Variants in STXBP5L observed in about 807,000 individuals in gnomAD.
The protein encoded by STXBP5L is syntaxin-binding protein 5-like.
A neutral mutation model predicts 144.5 loss-of-function variants in STXBP5L; 65 were observed. That is an observed-to-expected ratio of 0.45 (90% CI 0.37 to 0.55). The LOEUF (loss-of-function observed/expected upper bound fraction) is 0.55, where lower values mean the gene tolerates loss of function less well. Ranked by LOEUF, STXBP5L falls within the 20% of genes least tolerant of loss-of-function variation. STXBP5L has a pLI of 0.00. For synonymous variants in STXBP5L, 505 were observed against 469.6 expected (o/e 1.08, Z -0.97); for missense variants, 1,298 against 1,405.5 (o/e 0.92, Z 1.22).
intron 3 of STXBP5L, among the ~76,000 whole-genome samples, chr3:120,988,733 G>T (rs2107938595): frequency 6.6e-6 from 1 of 152,108 alleles, no homozygotes; most frequent in South Asian, 2.1e-4. Flanking sequence ...ATTATGTAGT[G>T]GTTTGCCTAG....
intron 3 of STXBP5L, among the ~76,000 whole-genome samples, chr3:121,021,965 CAAATT>C (rs980048843): frequency 2.6e-5 from 4 of 151,754 alleles, no homozygotes; most frequent in African/African-American, 4.8e-5. Context: ...ATACAAAAGA[CAAATT>C]AAACAAAAAC....
At chr3:121,111,971 A>ATG (rs775470646) in intron 5 of STXBP5L, among the ~76,000 whole-genome samples, 2 of 152,136 alleles carry the variant, frequency 1.3e-5, no homozygotes, top group Non-Finnish European at 2.9e-5. Flanking sequence ...GTGAGGAGGA[A>ATG]TGGGTCAGGG....
chr3:120,957,745 A>G (rs1938209946), intron 3 of STXBP5L, among the ~76,000 whole-genome samples: 1 of 152,164 alleles, frequency 6.6e-6, no homozygotes. Flanking sequence ...GATCTCTGGG[A>G]CACATTTAAA....
At position 121,069,248 on chromosome 3, in the gene STXBP5L, T is replaced by C. The variant is rs1047962294; in HGVS notation, c.470+23713T>C. Among the ~76,000 whole-genome samples the C allele has an allele frequency of 1.9e-4, 29 of 152,338 alleles. No homozygotes were observed. The East Asian group carries it at 4.8e-3, about 25-fold the overall frequency. Reference sequence around the variant, plus strand: ...CAAGAATGTTAAATAAGTGGAATCATACAATGTGTAACTTTTTGGGATTGT... The same window carrying C: ...CAAGAATGTTAAATAAGTGGAATCACACAATGTGTAACTTTTTGGGATTGT... On this transcript the variant is annotated intron_variant, in intron 5 of 26. Coordinates refer to ENST00000471454, the MANE Select transcript of STXBP5L (RefSeq NM_001308330.2).
At chr3:121,067,912 T>A (rs1299217453) in intron 5 of STXBP5L, among the ~76,000 whole-genome samples, 3 of 152,246 alleles carry the variant, frequency 2.0e-5, no homozygotes, top group African/African-American at 7.2e-5. Flanking sequence ...CCATCTTTAC[T>A]TTGTGTTTGC....
chr3:120,998,465 G>C (rs146655218), intron 3 of STXBP5L, among the ~76,000 whole-genome samples: 2 of 152,064 alleles, frequency 1.3e-5, no homozygotes, highest in African/African-American at 4.8e-5. Flanking sequence ...CACGTGCCAT[G>C]GTGGTTTGCT....
chr3:121,290,246 A>C (rs2051379488), intron 19 of STXBP5L, among the ~76,000 whole-genome samples: 2 of 152,172 alleles, frequency 1.3e-5, no homozygotes, highest in Non-Finnish European at 2.9e-5. Flanking sequence ...CAGAAATACA[A>C]AAGGTCATTC....
At position 121,323,201 on chromosome 3, in the gene STXBP5L, CA is replaced by C. The variant is rs530136158; in HGVS notation, c.2176+4662del. ...GTGCAGAAGCTTTTTAATTAGGTCCCACTCATCAATTTTTGTTTTTGTTGCA... is the reference window on the plus strand; with the variant it reads ...GTGCAGAAGCTTTTTAATTAGGTCCCCTCATCAATTTTTGTTTTTGTTGCA... On this transcript the variant is annotated intron_variant, in intron 20 of 26. Transcript: ENST00000471454. Among the ~76,000 whole-genome samples, 12 of 152,196 alleles carry C rather than the reference CA, an allele frequency of 7.9e-5. No homozygotes were observed. In the South Asian group the frequency reaches 2.5e-3, roughly 32 times the overall value.
chr3:121,188,594 A>G (rs2047499174), intron 9 of STXBP5L, among the ~76,000 whole-genome samples: 1 of 152,190 alleles, frequency 6.6e-6, no homozygotes. Context: ...GCAGCACATC[A>G]AAAAGCTTAT....
chr3:121,317,658 A>T (rs35135543), intron 19 of STXBP5L, among the ~76,000 whole-genome samples: 1 of 152,146 alleles, frequency 6.6e-6, no homozygotes, highest in Admixed American at 6.5e-5. Context: ...AGATAGAAAA[A>T]CCATAATGAA....
intron 9 of STXBP5L, among the ~76,000 whole-genome samples, chr3:121,187,187 G>A (rs1452088341): frequency 6.6e-6 from 1 of 152,162 alleles, no homozygotes; most frequent in Non-Finnish European, 1.5e-5. Flanking sequence ...TGAAGAAAAT[G>A]TGGCACATGT....
At chr3:121,237,856 G>A (rs2049533566) in intron 12 of STXBP5L, among the ~76,000 whole-genome samples, 2 of 152,140 alleles carry the variant, frequency 1.3e-5, no homozygotes, top group South Asian at 2.1e-4. Flanking sequence ...CAGGTTCTTT[G>A]CTACAGTGCA....
intron 5 of STXBP5L, among the ~76,000 whole-genome samples, chr3:121,101,030 G>A (rs1276383285): frequency 6.6e-6 from 1 of 151,982 alleles, no homozygotes; most frequent in East Asian, 1.9e-4. Flanking sequence ...AGCCTCCCAA[G>A]AATGAATCAG....
intron 3 of STXBP5L, among the ~76,000 whole-genome samples, chr3:120,985,958 G>T (rs1415845295): frequency 6.6e-6 from 1 of 151,760 alleles, no homozygotes; most frequent in Non-Finnish European, 1.5e-5. Context: ...TCTGATGGCT[G>T]TGTGTTTATT....
At chr3:121,204,815 A>G (rs2108227560) in intron 9 of STXBP5L, among the ~76,000 whole-genome samples, 1 of 152,310 alleles carries the variant, frequency 6.6e-6, no homozygotes, top group African/African-American at 2.4e-5. Flanking sequence ...GCATAACTAG[A>G]AAGATAAGCA....
intron 2 of STXBP5L, among the ~76,000 whole-genome samples, chr3:120,952,069 A>G (rs1711279557): frequency 6.8e-6 from 1 of 146,504 alleles, no homozygotes; most frequent in Non-Finnish European, 1.5e-5. Flanking sequence ...AAAACCAAAC[A>G]CCGCATATTC....
Position 121,418,527 on chromosome 3 carries a change from T to A in STXBP5L, c.3417T>A (p.Ser1139Arg). 2 of 1,614,014 alleles carry A rather than the reference T, an allele frequency of 1.2e-6. No individual in the cohort carries two copies. The highest frequency in any genetic ancestry group is 1.7e-6 in the Non-Finnish European group (2 of 1,179,950). Residue 1139 changes from serine to arginine, a missense_variant, in exon 26 of 27, where the codon AGT becomes AGA. Physicochemically the swap from Ser to Arg is moderately radical, Grantham distance 110. Transcript: ENST00000471454. ...AGAAAACTGCAGGCATGATGACCAG[T>A]GCAGAAGCATTTTCCAAACATGCAC... ...LEEKTAGMMT[S>R]AEAFSKHAHE...
intron 19 of STXBP5L, among the ~76,000 whole-genome samples, chr3:121,283,342 G>A (rs745899636): frequency 1.3e-5 from 2 of 151,868 alleles, no homozygotes; most frequent in Non-Finnish European, 2.9e-5. Flanking sequence ...ATGTTCCTGG[G>A]AATGCCTAGA....
intron 22 of STXBP5L, among the ~76,000 whole-genome samples, chr3:121,383,323 G>A (rs1384748045): frequency 6.6e-6 from 1 of 151,832 alleles, no homozygotes; most frequent in East Asian, 1.9e-4. Context: ...GCCTGAGCCA[G>A]AAGGATGAGC....
Sources: allele counts gnomAD v4.1 joint callset (sites outside exome capture counted in the v4.1 genomes callset), GRCh38; gene constraint gnomAD v4.1.1; transcripts MANE v1.5; gene names NCBI Gene and HGNC (gene_info 2026-07-23, HGNC 2026-07-21).